The following CEP128 variants were observed in gnomAD, a reference collection of about 807,000 sequenced individuals.
CEP128 encodes centrosomal protein 128, also known as centrosomal protein 128kDa.
In CEP128, 132 loss-of-function variants were observed where a neutral mutation model predicts 156.7. The observed-to-expected ratio is 0.84, with a 90% CI of 0.73 to 0.97. CEP128 has a LOEUF of 0.97. Among genes scored for constraint, CEP128 ranks in the 50% least tolerant of loss-of-function variants. The probability of loss-of-function intolerance (pLI) is 0.00; values close to 1 mark genes in which losing one functional copy is unlikely to be tolerated. For synonymous variants in CEP128, 469 were observed against 448.9 expected (o/e 1.04, Z -0.57); for missense variants, 1,252 against 1,281.9 (o/e 0.98, Z 0.36).
intron 18 of CEP128, among the ~76,000 whole-genome samples, chr14:80,756,143 T>C (rs1899648011): frequency 6.6e-6 from 1 of 152,150 alleles, no homozygotes; most frequent in South Asian, 2.1e-4. Context: ...CAACAGAAAT[T>C]TCTGGCCAAA....
At chr14:80,602,205 C>G (rs1422863010) in intron 19 of CEP128, among the ~76,000 whole-genome samples, 3 of 152,004 alleles carry the variant, frequency 2.0e-5, no homozygotes, top group Non-Finnish European at 2.9e-5. Flanking sequence ...GAAAAATGGA[C>G]AGAATTGAGG....
intron 9 of CEP128, among the ~76,000 whole-genome samples, chr14:80,845,328 CA>C (rs1202639236): frequency 6.6e-6 from 1 of 152,100 alleles, no homozygotes; most frequent in African/African-American, 2.4e-5. Context: ...TATTTTTATG[CA>C]ATCTTTTACT....
At chr14:80,848,837 A>T (rs1182771942) in intron 9 of CEP128, among the ~76,000 whole-genome samples, 1 of 151,362 alleles carries the variant, frequency 6.6e-6, no homozygotes, top group Non-Finnish European at 1.5e-5. Context: ...CATAAGAATC[A>T]CTTGAACCCA....
chr14:80,631,078 G>A (rs11159469), intron 19 of CEP128, among the ~76,000 whole-genome samples: 28,953 of 151,846 alleles, frequency 0.19, 2,914 homozygotes, highest in East Asian at 0.34. Flanking sequence ...AATCAGAAAT[G>A]TATAAAATCA....
chr14:80,946,658 G>A (rs569216158), upstream of CEP128, among the ~76,000 whole-genome samples: 1 of 152,308 alleles, frequency 6.6e-6, no homozygotes, highest in Non-Finnish European at 1.5e-5. Flanking sequence ...ATGAATAAAT[G>A]TAGAGAAGGG....
intron 18 of CEP128, among the ~76,000 whole-genome samples, chr14:80,744,987 A>G (rs1899026529): frequency 6.6e-6 from 1 of 152,184 alleles, no homozygotes; most frequent in South Asian, 2.1e-4. Flanking sequence ...ATACTAGCAA[A>G]CGGAATCCAG....
At chr14:80,925,188 G>A (rs1401402055) in intron 2 of CEP128, among the ~76,000 whole-genome samples, 3 of 151,992 alleles carry the variant, frequency 2.0e-5, no homozygotes, top group African/African-American at 7.3e-5. Context: ...CCGGATATGT[G>A]AGTCTAAGGA....
At chr14:80,807,287 CT>C (rs1884235920) in intron 13 of CEP128, among the ~76,000 whole-genome samples, 1 of 152,090 alleles carries the variant, frequency 6.6e-6, no homozygotes, top group South Asian at 2.1e-4. Context: ...ACATTGCCAC[CT>C]ATTAATTTCT....
chr14:80,849,505 G>A (rs1025293654), intron 9 of CEP128, among the ~76,000 whole-genome samples: 5 of 152,208 alleles, frequency 3.3e-5, no homozygotes, highest in South Asian at 2.1e-4. Flanking sequence ...TCCATTAAAC[G>A]ATGAAATAAT....
At chr14:80,955,373 G>C (rs1886604965) in intron 2 of CEP128, 1 of 502,182 alleles carries the variant, frequency 2.0e-6, no homozygotes, top group Admixed American at 3.3e-5. Context: ...CTGGAAAACA[G>C]AGGGGACAGC....
intron 19 of CEP128, among the ~76,000 whole-genome samples, chr14:80,643,071 G>A (rs193157389): frequency 2.6e-5 from 4 of 152,068 alleles, no homozygotes; most frequent in Admixed American, 2.0e-4. Flanking sequence ...ATATATTAAG[G>A]GTACCTCAAA....
chr14:80,917,865 C>T (rs1021267783), intron 2 of CEP128, among the ~76,000 whole-genome samples: 4 of 152,126 alleles, frequency 2.6e-5, no homozygotes, highest in Non-Finnish European at 2.9e-5. Context: ...AACAAGAACT[C>T]TTGCCATAAG....
intron 19 of CEP128, among the ~76,000 whole-genome samples, chr14:80,636,884 C>T (rs1489219608): frequency 2.0e-5 from 3 of 151,884 alleles, no homozygotes; most frequent in African/African-American, 7.3e-5. Flanking sequence ...GTCGGGAGTT[C>T]GAGACCAGCC....
chr14:80,618,861 T>C (rs1226211586), intron 19 of CEP128, among the ~76,000 whole-genome samples: 1 of 152,226 alleles, frequency 6.6e-6, no homozygotes, highest in Non-Finnish European at 1.5e-5. Context: ...CCTGCGTATT[T>C]GTATCTCTAG....
At chr14:80,939,040 ACTGTCTC>A (rs1420501161) in intron 2 of CEP128, among the ~76,000 whole-genome samples, 1 of 152,182 alleles carries the variant, frequency 6.6e-6, no homozygotes, top group Non-Finnish European at 1.5e-5. Flanking sequence ...CTGAGACTCA[ACTGTCTC>A]CTTTGTAAAA....
At chr14:80,836,487 T>C in intron 11 of CEP128, 150 bp from the exon 12 acceptor site, 2 of 764,514 alleles carry the variant, frequency 2.6e-6, no homozygotes, top group Middle Eastern at 2.5e-4. Flanking sequence ...ATTCCTCTCA[T>C]CTCTTCCACA....
intron 19 of CEP128, among the ~76,000 whole-genome samples, chr14:80,603,885 C>T (rs1479079308): frequency 6.6e-6 from 1 of 152,082 alleles, no homozygotes; most frequent in Admixed American, 6.5e-5. Flanking sequence ...TTGCTTCTCC[C>T]TCCCCATACC....
At chr14:80,615,160 A>G (rs1236122885) in intron 19 of CEP128, among the ~76,000 whole-genome samples, 1 of 152,232 alleles carries the variant, frequency 6.6e-6, no homozygotes, top group African/African-American at 2.4e-5. Context: ...CACCAAGATC[A>G]AATATCACTT....
At chr14:80,736,136 A>T (rs1047612036) in intron 19 of CEP128, among the ~76,000 whole-genome samples, 3 of 152,140 alleles carry the variant, frequency 2.0e-5, no homozygotes, top group African/African-American at 7.2e-5. Context: ...GATAGTACTC[A>T]TTACAACACA....
Sources: gnomAD v4.1 joint callset for allele counts (sites outside exome capture counted in the v4.1 genomes callset) on GRCh38, gnomAD v4.1.1 for gene constraint, MANE v1.5 for transcripts, NCBI Gene and HGNC (gene_info 2026-07-23, HGNC 2026-07-21) for gene names.